The following JMJD1C variants were observed in gnomAD, a reference collection of about 807,000 sequenced individuals.
JMJD1C encodes the protein jumonji domain-containing protein 1C.
A neutral mutation model predicts 245.3 loss-of-function variants in JMJD1C; 31 were observed. The ratio of observed to expected loss-of-function variants is 0.13; its 90% confidence interval spans 0.09 to 0.17. The LOEUF (loss-of-function observed/expected upper bound fraction) is 0.17, where lower values mean the gene tolerates loss of function less well. JMJD1C is among the 10% of genes least tolerant of loss of function. The pLI, the probability that JMJD1C is intolerant of heterozygous loss-of-function variation, is 1.00. For missense variants in JMJD1C, 2,691 were observed against 3,000.2 expected (o/e 0.90, Z 2.41); for synonymous variants, 1,057 against 1,017.4 (o/e 1.04, Z -0.74).
intron 1 of JMJD1C, among the ~76,000 whole-genome samples, chr10:63,418,845 C>T (rs1242092947): frequency 6.6e-6 from 1 of 151,876 alleles, no homozygotes; most frequent in Non-Finnish European, 1.5e-5. Context: ...TTTGGGAGGC[C>T]GAGGCAGGGG....
intron 2 of JMJD1C, among the ~76,000 whole-genome samples, chr10:63,333,558 GA>G (rs1159212328): frequency 6.6e-6 from 1 of 152,028 alleles, no homozygotes; most frequent in African/African-American, 2.4e-5. Context: ...GAGAGAGAAA[GA>G]AAGGCAAAAC....
At chr10:63,404,316 C>A (rs1428981345) in intron 1 of JMJD1C, among the ~76,000 whole-genome samples, 1 of 151,990 alleles carries the variant, frequency 6.6e-6, no homozygotes, top group Non-Finnish European at 1.5e-5. Flanking sequence ...TCAAAACAAA[C>A]GAGACCAAAA....
At chr10:63,422,270 T>A (rs186866489) in intron 1 of JMJD1C, among the ~76,000 whole-genome samples, 1 of 151,968 alleles carries the variant, frequency 6.6e-6, no homozygotes, top group African/African-American at 2.4e-5. Context: ...AAATCAGCCA[T>A]GTGTGGTGGT....
intron 1 of JMJD1C, among the ~76,000 whole-genome samples, chr10:63,399,268 T>C (rs762447193): frequency 6.6e-6 from 1 of 152,198 alleles, no homozygotes; most frequent in Non-Finnish European, 1.5e-5. Flanking sequence ...ATAGCTTCTT[T>C]GATTCTGGTA....
intron 2 of JMJD1C, among the ~76,000 whole-genome samples, chr10:63,360,835 A>AG (rs780651213): frequency 4.6e-5 from 7 of 152,036 alleles, no homozygotes; most frequent in Non-Finnish European, 1.0e-4. Flanking sequence ...CCTAGGCTAG[A>AG]GCACAGTGGT....
chr10:63,302,391 CA>C lies in JMJD1C; in HGVS notation c.334-37628del, dbSNP rs763022631. On this transcript the variant is annotated intron_variant, in intron 2 of 25. Transcript: ENST00000399262. The stretch of plus-strand genomic sequence containing the variant: ...TATACTCATAACCAGCAATGAATGA[CA>C]GTGGCAGTCTTTCTACACTCTTTTC... 9.2e-5 allele frequency among the ~76,000 whole-genome samples: 14 copies of C among 152,188 alleles called. 1 individual carries two copies. Among genetic ancestry groups the C allele is most frequent in the Non-Finnish European group, 1.6e-4 (11 of 68,032 alleles).
intron 2 of JMJD1C, among the ~76,000 whole-genome samples, chr10:63,372,633 T>A (rs548343790): frequency 6.6e-6 from 1 of 152,174 alleles, no homozygotes; most frequent in African/African-American, 2.4e-5. Flanking sequence ...ACTAGCTGGG[T>A]TGCAGCACAT....
At chr10:63,204,329 A>T (rs535581470) in intron 10 of JMJD1C, 17 of 984,408 alleles carry the variant, frequency 1.7e-5, no homozygotes, top group Non-Finnish European at 1.8e-5. Context: ...AACCTGGGGG[A>T]AAAAAAGGCA....
chr10:63,193,086 T>C lies in JMJD1C; in HGVS notation c.5928A>G (p.Gln1976=). The change falls in exon 16 of 26, where the codon CAA becomes CAG. Residue 1976 remains glutamine (Q), a synonymous_variant. Transcript: ENST00000399262. The part of the protein sequence containing the change: ...ISLCMPESQQ[Q]NTPPKSEKNG... ...TTTTCTCAGACTTCGGAGGAGTATT[T>C]TGCTGCTGAGACTCAGGCATGCACA... 1.2e-6 allele frequency: 2 copies of C among 1,614,166 alleles called. No individual in the cohort carries two copies. The highest frequency in any genetic ancestry group is 1.7e-6 in the Non-Finnish European group (2 of 1,180,030).
intron 3 of JMJD1C, among the ~76,000 whole-genome samples, chr10:63,241,724 A>G (rs1453189188): frequency 6.6e-6 from 1 of 152,092 alleles, no homozygotes; most frequent in African/African-American, 2.4e-5. Context: ...CCATAGTACT[A>G]CTGTCTTCTA....
chr10:63,214,838 A>G lies in JMJD1C; in HGVS notation c.1329T>C (p.His443=), dbSNP rs199702472. The G allele has an allele frequency of 1.3e-6, 2 of 1,594,774 alleles. No homozygotes were observed. The highest frequency in any genetic ancestry group is 1.4e-5 in the African/African-American group (1 of 69,962). Residue 443 remains histidine, a synonymous_variant, in exon 8 of 26, where the codon CAT becomes CAC. Transcript: ENST00000399262. ...CAGACTTCCGCTTCTCTGCTTCTTC[A>G]TGTTTTTTATCTTCCTGTATTTGAT... The part of the protein sequence containing the change: ...PWDQIQEDKK[H]EEAEKRKSVD...
chr10:63,368,483 A>C (rs1400499948), intron 2 of JMJD1C, among the ~76,000 whole-genome samples: 2 of 152,178 alleles, frequency 1.3e-5, no homozygotes, highest in Admixed American at 1.3e-4. Flanking sequence ...GAAATAACTG[A>C]GTAAGGGCCC....
At chr10:63,389,842 T>A (rs1359895734) in intron 1 of JMJD1C, among the ~76,000 whole-genome samples, 2 of 152,092 alleles carry the variant, frequency 1.3e-5, no homozygotes, top group Admixed American at 6.6e-5. Flanking sequence ...AGCTTTACAA[T>A]AAATAAAAAT....
chr10:63,431,894 C>T (rs1479953294), intron 1 of JMJD1C, among the ~76,000 whole-genome samples: 2 of 152,288 alleles, frequency 1.3e-5, no homozygotes, highest in East Asian at 1.9e-4. Context: ...TGCCTGTAGT[C>T]CCAACTAATC....
chr10:63,207,287 C>T lies in JMJD1C; in HGVS notation c.4382G>A (p.Ser1461Asn), dbSNP rs1208742455. ...STTAPVTLAS[S>N]KTGSVVQPSS... is the part of the protein sequence containing the mutation. ...GGGTTGAACAACACTTCCTGTCTTA[C>T]TACTGGCTAATGTAACTGGTGCTGT... The change falls in exon 10 of 26, where the codon AGT becomes AAT. Residue 1461 changes from serine to asparagine, a missense_variant. This residue lies in a region of JMJD1C where 1,562 missense variants were observed against 1,490.7 expected (regional missense o/e 1.05). Transcript: ENST00000399262. The T allele has an allele frequency of 1.9e-6, 3 of 1,613,692 alleles. No individual in the cohort carries two copies. Among genetic ancestry groups the T allele is most frequent in the East Asian group, 2.2e-5 (1 of 44,894 alleles).
rs1847851887 is a variant in JMJD1C at position 63,215,304 on chromosome 10, T to C, written c.974A>G (p.Glu325Gly). Residue 325 changes from glutamate to glycine, a missense_variant, in exon 7 of 26, where the codon GAG (glutamate) becomes GGG (glycine). Physicochemically the swap from Glu to Gly is moderately conservative, Grantham distance 98. Around this residue, in one of 9 missense-constraint regions of JMJD1C, gnomAD observed 1,562 missense variants for 1,490.7 expected, o/e 1.05. Transcript: ENST00000399262. ...KGSDSSIPDE[E>G]KMKEEKYDYI... ...ATCATATTTTTCCTCCTTCATCTTC[T>C]CTTCATCTGGTATACTGCTATCTGA... is the stretch of plus-strand genomic sequence containing the variant. The C allele has an allele frequency of 6.2e-7, 1 of 1,614,076 alleles. No individual in the cohort carries two copies. Among genetic ancestry groups the C allele is most frequent in the Admixed American group, 1.7e-5 (1 of 60,026 alleles).
At chr10:63,326,203 A>G (rs1436262014) in intron 2 of JMJD1C, among the ~76,000 whole-genome samples, 6 of 152,074 alleles carry the variant, frequency 3.9e-5, no homozygotes, top group Non-Finnish European at 8.8e-5. Flanking sequence ...GTGTTTAAAG[A>G]TGATAAAATG....
At chr10:63,282,275 G>C (rs1857500498) in intron 2 of JMJD1C, among the ~76,000 whole-genome samples, 1 of 152,196 alleles carries the variant, frequency 6.6e-6, no homozygotes, top group Non-Finnish European at 1.5e-5. Flanking sequence ...TTTCCATTAA[G>C]TATATGATAC....
In JMJD1C at chr10:63,217,222, G is replaced by T. The variant is rs144745368; in HGVS notation, c.663C>A (p.Ile221=). Reference sequence around the variant, plus strand: ...AACTATTTACCTGATCATTCATAACGATCATGGTGCGGGTGAAGAGATCAT... The same window carrying T: ...AACTATTTACCTGATCATTCATAACTATCATGGTGCGGGTGAAGAGATCAT... ...THHDLFTRTM[I]VMNDQVLEPQ... The change falls in exon 5 of 26, where the codon ATC becomes ATA. Residue 221 remains isoleucine (I), a synonymous_variant. Coordinates refer to ENST00000399262, the MANE Select transcript of JMJD1C (RefSeq NM_032776.3). The T allele has an allele frequency of 6.2e-7, 1 of 1,609,434 alleles. No individual in the cohort carries two copies. Among genetic ancestry groups the T allele is most frequent in the Non-Finnish European group, 8.5e-7 (1 of 1,178,048 alleles).
Sources: gnomAD v4.1 joint callset for allele counts (sites outside exome capture counted in the v4.1 genomes callset) on GRCh38, gnomAD v4.1.1 for gene constraint, gnomAD v4.1.1 regional missense constraint, MANE v1.5 for transcripts, NCBI Gene and HGNC (gene_info 2026-07-23, HGNC 2026-07-21) for gene names.